ZNF226: variants seen among roughly 807,000 people sequenced by gnomAD.
ZNF226 encodes Kruppel-associated box protein.
In ZNF226, 6 loss-of-function variants were observed where a neutral mutation model predicts 11.4. The observed-to-expected ratio is 0.53, with a 90% CI of 0.29 to 1.04. The LOEUF (loss-of-function observed/expected upper bound fraction) is 1.04. Ranked by LOEUF, ZNF226 falls within the 50% of genes least tolerant of loss-of-function variation. The pLI is 0.08. For missense variants in ZNF226, 1,058 were observed against 956.5 expected, an observed-to-expected ratio of 1.11 and a Z score of -1.40; for synonymous variants, 350 against 322.8, an observed-to-expected ratio of 1.08 and a Z score of -0.90.
chr19:44,165,866 T>A (rs1373853958), intron 2 of ZNF226, 59 bp downstream of exon 2: 1 of 152,186 alleles, frequency 6.6e-6, no homozygotes, highest in Non-Finnish European at 1.5e-5. Flanking sequence ...ATGTGTGGGG[T>A]CATGTATTTG....
rs1969194397 is a variant in ZNF226 at position 44,165,129 on chromosome 19, C to T, written c.-111C>T. On this transcript the variant is annotated 5_prime_UTR_variant, in exon 1 of 6. Coordinates refer to ENST00000337433, the MANE Select transcript of ZNF226 (RefSeq NM_001032373.2). ...GACGTAGCAGCCATCTTTTCCCTGG[C>T]TTTGGTGATTCAGGTCAGCTTCTCA... 2 of 152,226 alleles carry T rather than the reference C, an allele frequency of 1.3e-5. No homozygotes were observed. The highest frequency in any genetic ancestry group is 4.8e-5 in the African/African-American group (2 of 41,440). The allele number at this position is 152,226 out of a possible 1,614,324, so 9.4% of individuals were successfully genotyped here.
chr19:44,186,281 T>C, the ZNF226 span, among the ~76,000 whole-genome samples: 1 of 152,060 alleles, frequency 6.6e-6, no homozygotes, highest in Non-Finnish European at 1.5e-5. Context: ...AATCTGTAAA[T>C]CACTTTGTGT....
intron 2 of ZNF226, among the ~76,000 whole-genome samples, chr19:44,167,314 C>CTTTTTTT (rs35919865): frequency 1.9e-5 from 2 of 105,686 alleles, no homozygotes; most frequent in Non-Finnish European, 3.6e-5. Context: ...ATTTCTTTAA[C>CTTTTTTT]TTTTTTTTTT....
chr19:44,185,720 C>G, the ZNF226 span, among the ~76,000 whole-genome samples: 1 of 152,056 alleles, frequency 6.6e-6, no homozygotes, highest in South Asian at 2.1e-4. Flanking sequence ...CCTTTTCACT[C>G]TGTTGATTGT....
intron 4 of ZNF226, 158 bp from the exon 5 acceptor site, chr19:44,172,702 C>T (rs960434992): frequency 1.6e-6 from 1 of 626,466 alleles, no homozygotes; most frequent in Non-Finnish European, 2.8e-6. Flanking sequence ...GTGTCTGGGT[C>T]ATGAAATAAA....
the ZNF226 span, among the ~76,000 whole-genome samples, chr19:44,189,611 A>G: frequency 6.6e-6 from 1 of 152,268 alleles, no homozygotes; most frequent in African/African-American, 2.4e-5. Flanking sequence ...GTAAAGATCT[A>G]CAGTTGGCAT....
chr19:44,176,687 C>CAT lies in ZNF226; in HGVS notation c.1428_1429dup (p.Cys477TyrfsTer11). 6.2e-7 allele frequency: 1 copy of CAT among 1,613,852 alleles called. No homozygotes were observed. The highest frequency in any genetic ancestry group is 8.5e-7 in the Non-Finnish European group (1 of 1,179,962). On this transcript the variant is annotated frameshift_variant, in exon 6 of 6. Transcript: ENST00000337433. LOFTEE classifies it low-confidence loss of function (END_TRUNC). ...GAGTTCACACTGGAGAGAAGTCATACATATGTACTGTATGTGGGAAAGGCT... is the reference window on the plus strand; with the variant it reads ...GAGTTCACACTGGAGAGAAGTCATACATATATGTACTGTATGTGGGAAAGGCT...
intron 2 of ZNF226, among the ~76,000 whole-genome samples, chr19:44,168,570 G>A (rs1445808440): frequency 1.3e-5 from 2 of 152,092 alleles, no homozygotes; most frequent in Admixed American, 6.5e-5. Context: ...TCTTTCTAGA[G>A]TATTGAGAAA....
chr19:44,186,875 G>GTT, the ZNF226 span, among the ~76,000 whole-genome samples: 15 of 71,436 alleles, frequency 2.1e-4, no homozygotes, highest in South Asian at 1.6e-3. Flanking sequence ...TAGTTAAGTG[G>GTT]TTTTTTTTTT....
Position 44,177,344 on chromosome 19 carries a change from A to G in ZNF226, c.2082A>G (p.Thr694=), listed in dbSNP as rs772262435. 14 of 1,613,982 alleles carry G rather than the reference A, an allele frequency of 8.7e-6. No individual in the cohort carries two copies. The highest frequency in any genetic ancestry group is 5.0e-5 in the Admixed American group (3 of 60,002). The change falls in exon 6 of 6, where the codon ACA becomes ACG. Residue 694 remains threonine (T), a synonymous_variant. Transcript: ENST00000337433. Reference sequence around the variant, plus strand: ...TTGACATGCATCAGAGGGTGCACACAGGAGAAAAACCATATAAATGTGGGG... The same window carrying G: ...TTGACATGCATCAGAGGGTGCACACGGGAGAAAAACCATATAAATGTGGGG... The part of the protein sequence containing the change: ...LNLDMHQRVH[T]GEKPYKCGEC...
downstream of ZNF226, among the ~76,000 whole-genome samples, chr19:44,181,826 A>G (rs967205314): frequency 2.0e-5 from 3 of 152,226 alleles, no homozygotes; most frequent in Non-Finnish European, 4.4e-5. Flanking sequence ...TAGATCCTCA[A>G]GACTTGCTTC....
rs1405649672 is a variant in ZNF226 at position 44,177,163 on chromosome 19, A to C, written c.1901A>C (p.Gln634Pro). 4 of 1,613,954 alleles carry C rather than the reference A, an allele frequency of 2.5e-6. No individual in the cohort carries two copies. Among genetic ancestry groups the C allele is most frequent in the Non-Finnish European group, 1.7e-6 (2 of 1,179,978 alleles). ...CAGGCCTCAAATCTTTTGGCCCATC[A>C]GAGAGTCCACAGTGGAGAAAAACCA... is the stretch of plus-strand genomic sequence containing the variant. The part of the protein sequence containing the change: ...FRQASNLLAH[Q>P]RVHSGEKPFK... The change falls in exon 6 of 6, where the codon CAG (glutamine) becomes CCG (proline). Residue 634 changes from glutamine (Q) to proline (P), a missense_variant. Gln to Pro is a moderately conservative substitution (Grantham distance 76, BLOSUM62 -1). Transcript: ENST00000337433.
intron 3 of ZNF226, 90 bp from the exon 4 acceptor site, chr19:44,171,998 C>T: frequency 6.5e-7 from 1 of 1,536,224 alleles, no homozygotes; most frequent in Non-Finnish European, 8.9e-7. Flanking sequence ...AACGGCTGGG[C>T]ATCCAGAACA....
the ZNF226 span, among the ~76,000 whole-genome samples, chr19:44,196,408 C>A: frequency 1.3e-4 from 20 of 152,174 alleles, no homozygotes; most frequent in Non-Finnish European, 4.4e-5. Context: ...TAAATCCAAT[C>A]TGGCTACAAC....
the ZNF226 span, among the ~76,000 whole-genome samples, chr19:44,198,398 C>T: frequency 6.6e-6 from 1 of 152,136 alleles, no homozygotes; most frequent in East Asian, 1.9e-4. Context: ...AGCTTTACAA[C>T]ATTGAATTGT....
the ZNF226 span, among the ~76,000 whole-genome samples, chr19:44,193,628 A>G: frequency 6.6e-6 from 1 of 152,208 alleles, no homozygotes; most frequent in Admixed American, 6.5e-5. Flanking sequence ...TTGGCTAGAA[A>G]AATAAACTTC....
At position 44,175,949 on chromosome 19, in the gene ZNF226, T is replaced by C. The variant is rs376461816; in HGVS notation, c.687T>C (p.Tyr229=). ...KSEKSYRPND[Y]EKDNMKILTF... ...AAAAATCTTATAGACCCAATGATTA[T>C]GAAAAAGACAACATGAAGATTTTGA... is the stretch of plus-strand genomic sequence containing the variant. The change falls in exon 6 of 6, where the codon TAT becomes TAC. Residue 229 remains tyrosine, a synonymous_variant. Transcript: ENST00000337433. 25 of 1,613,612 alleles carry C rather than the reference T, an allele frequency of 1.5e-5. No individual in the cohort carries two copies. The highest frequency in any genetic ancestry group is 1.7e-5 in the Non-Finnish European group (20 of 1,179,840).
In ZNF226 at chr19:44,176,259, A is replaced by G. The variant is rs746035089; in HGVS notation, c.997A>G (p.Lys333Glu). 1 of 1,614,196 alleles carries G rather than the reference A, an allele frequency of 6.2e-7. No individual in the cohort carries two copies. Among genetic ancestry groups the G allele is most frequent in the South Asian group, 1.1e-5 (1 of 91,086 alleles). The change falls in exon 6 of 6, where the codon AAA becomes GAA. Residue 333 changes from lysine to glutamate, a missense_variant. Lys to Glu is a moderately conservative substitution (Grantham distance 56, BLOSUM62 1). Coordinates refer to ENST00000337433, the MANE Select transcript of ZNF226 (RefSeq NM_001032373.2). ...QTHQKVHVIE[K>E]PYKCKQCGKG... ...CCATCAGAAAGTCCACGTGATAGAGAAACCATACAAATGTAAGCAATGTGG... is the reference window on the plus strand; with the variant it reads ...CCATCAGAAAGTCCACGTGATAGAGGAACCATACAAATGTAAGCAATGTGG...
chr19:44,178,618 CTT>C (rs1044052286), downstream of ZNF226, among the ~76,000 whole-genome samples: 2 of 152,052 alleles, frequency 1.3e-5, no homozygotes, highest in South Asian at 2.1e-4. Flanking sequence ...TGGAGCATGA[CTT>C]TCACCCTTTT....
Sources: gnomAD v4.1 joint callset for allele counts (sites outside exome capture counted in the v4.1 genomes callset) on GRCh38, gnomAD v4.1.1 for gene constraint, MANE v1.5 for transcripts, NCBI Gene and HGNC (gene_info 2026-07-23, HGNC 2026-07-21) for gene names.